Variants in VAC14 observed in about 807,000 individuals in gnomAD.
VAC14 encodes protein VAC14 homolog.
VAC14 carries 47 observed loss-of-function variants against 85.3 expected under a neutral mutation model. That is an observed-to-expected ratio of 0.55 (90% CI 0.44 to 0.70). The LOEUF (loss-of-function observed/expected upper bound fraction) is 0.70, where lower values mean the gene tolerates loss of function less well. Among genes scored for constraint, VAC14 ranks in the 30% least tolerant of loss-of-function variants. The pLI is 0.00. For missense variants in VAC14, 861 were observed against 1,004.3 expected (o/e 0.86, Z 1.93); for synonymous variants, 447 against 430.5 (o/e 1.04, Z -0.47).
chr16:70,697,060 C>A, intron 16 of VAC14, 79 bp downstream of exon 16: 1 of 1,232,588 alleles, frequency 8.1e-7, no homozygotes, highest in Non-Finnish European at 1.2e-6. Context: ...TTGGGCCCGC[C>A]TGTTGGGTGG....
At chr16:70,788,535 G>A (rs573606599) in intron 1 of VAC14, among the ~76,000 whole-genome samples, 11 of 152,284 alleles carry the variant, frequency 7.2e-5, no homozygotes, top group East Asian at 1.9e-4. Flanking sequence ...TCAAAACAGC[G>A]TACTAAGGCC....
chr16:70,712,198 T>TG (rs2054049537), intron 14 of VAC14, among the ~76,000 whole-genome samples: 1 of 152,094 alleles, frequency 6.6e-6, no homozygotes. Context: ...AAATCTTCCC[T>TG]GGATTAAACG....
chr16:70,734,746 A>T (rs1375614834), intron 13 of VAC14, among the ~76,000 whole-genome samples: 1 of 151,912 alleles, frequency 6.6e-6, no homozygotes, highest in Non-Finnish European at 1.5e-5. Flanking sequence ...ACCTGCCTAA[A>T]CCCTTCACAC....
At chr16:70,718,256 C>T (rs1412867701) in intron 14 of VAC14, among the ~76,000 whole-genome samples, 2 of 152,208 alleles carry the variant, frequency 1.3e-5, no homozygotes, top group Non-Finnish European at 2.9e-5. Flanking sequence ...TGATGATCCC[C>T]GTCTGCATTT....
chr16:70,748,871 A>G (rs1485647056), intron 12 of VAC14, among the ~76,000 whole-genome samples: 1 of 152,234 alleles, frequency 6.6e-6, no homozygotes, highest in Non-Finnish European at 1.5e-5. Flanking sequence ...GCTTGAGCAG[A>G]GGCTGTAGTG....
At position 70,783,434 on chromosome 16, in the gene VAC14, A is replaced by C; in HGVS notation, c.704+11T>G. 6.2e-7 allele frequency: 1 copy of C among 1,613,012 alleles called. No homozygotes were observed. Among genetic ancestry groups the C allele is most frequent in the East Asian group, 2.2e-5 (1 of 44,848 alleles). ...AGGAGGCAGCAGCTTCCTGCCCCTT[A>C]CTCCACTCACATTTTGCGAATCTCT... On this transcript the variant is annotated intron_variant, in intron 6 of 18. Transcript: ENST00000261776.
intron 10 of VAC14, among the ~76,000 whole-genome samples, chr16:70,768,161 C>T (rs1422009919): frequency 1.3e-5 from 2 of 152,224 alleles, no homozygotes; most frequent in African/African-American, 4.8e-5. Flanking sequence ...GCTGGGACTA[C>T]AGGCGTGAGC....
chr16:70,739,910 A>AC (rs1483487394), intron 13 of VAC14, among the ~76,000 whole-genome samples: 1 of 152,234 alleles, frequency 6.6e-6, no homozygotes, highest in African/African-American at 2.4e-5. Flanking sequence ...GCCAGGGATA[A>AC]AAACACCTTG....
Position 70,775,302 on chromosome 16 carries a change from T to C in VAC14, c.1097-3130A>G, listed in dbSNP as rs574864169. 1.2e-4 allele frequency among the ~76,000 whole-genome samples: 18 copies of C among 152,322 alleles called. No individual in the cohort carries two copies. The East Asian group carries it at 2.9e-3, about 24-fold the overall frequency. On this transcript the variant is annotated intron_variant, in intron 9 of 18. Coordinates refer to ENST00000261776, the MANE Select transcript of VAC14 (RefSeq NM_018052.5). ...ACCTCTTTCTCTCCTTAATCTTCAA[T>C]CTTACTTTTCTCTACCTGCCCATCA...
intron 12 of VAC14, among the ~76,000 whole-genome samples, chr16:70,758,549 T>G (rs1210447683): frequency 6.6e-6 from 1 of 152,096 alleles, no homozygotes; most frequent in Non-Finnish European, 1.5e-5. Context: ...CTACCTGAGG[T>G]CCCACCATCG....
At chr16:70,775,726 C>A (rs1446281289) in intron 9 of VAC14, among the ~76,000 whole-genome samples, 2 of 152,226 alleles carry the variant, frequency 1.3e-5, no homozygotes, top group Non-Finnish European at 2.9e-5. Flanking sequence ...GAACAGCAGC[C>A]AGGACTCCAT....
Position 70,744,535 on chromosome 16 carries a change from G to A in VAC14, c.1416C>T (p.Ser472=). 1 of 1,610,848 alleles carries A rather than the reference G, an allele frequency of 6.2e-7. No individual in the cohort carries two copies. The highest frequency in any genetic ancestry group is 8.5e-7 in the Non-Finnish European group (1 of 1,178,842). The stretch of plus-strand genomic sequence containing the variant: ...CTGGGTCATCCGTCTGGCCTGCGGG[G>A]GAGGAAGCGATTTCTGCCAGCACCT... ...DLEVLAEIAS[S]PAGQTDDPGP... is the part of the protein sequence containing the mutation. Residue 472 remains serine, a synonymous_variant, in exon 13 of 19, where the codon TCC becomes TCT. Transcript: ENST00000261776.
intron 12 of VAC14, among the ~76,000 whole-genome samples, chr16:70,758,521 G>A (rs2032052600): frequency 6.6e-6 from 1 of 152,228 alleles, no homozygotes; most frequent in African/African-American, 2.4e-5. Context: ...GGAGGCAGCT[G>A]TGCCTAGGAG....
intron 18 of VAC14, chr16:70,692,198 G>A: frequency 1.6e-6 from 1 of 621,602 alleles, no homozygotes; most frequent in Non-Finnish European, 2.0e-6. Context: ...CCTCTGACCA[G>A]AGGCTGCCAA....
At position 70,780,741 on chromosome 16, in the gene VAC14, T is replaced by C. The variant is rs779111976; in HGVS notation, c.1096+49A>G. 12 of 1,526,642 alleles carry C rather than the reference T, an allele frequency of 7.9e-6. No homozygotes were observed. The South Asian group carries it at 1.3e-4, about 16-fold the overall frequency. 94.6% of individuals were successfully genotyped at this position (1,526,642 alleles called of 1,614,324 possible). On this transcript the variant is annotated intron_variant, in intron 9 of 18. Transcript: ENST00000261776. Reference sequence around the variant, plus strand: ...CAAGGCAACTCCTATGACATCTGGCTCCCTGGGCCCCCGACAGGAGGTGAG... The same window carrying C: ...CAAGGCAACTCCTATGACATCTGGCCCCCTGGGCCCCCGACAGGAGGTGAG...
intron 5 of VAC14, 74 bp downstream of exon 5, chr16:70,784,039 G>T: frequency 8.2e-7 from 1 of 1,226,736 alleles, no homozygotes. Context: ...TAGCCAAAGG[G>T]CCTGACAAGA....
intron 13 of VAC14, among the ~76,000 whole-genome samples, chr16:70,741,003 T>C (rs950135543): frequency 2.6e-5 from 4 of 152,256 alleles, no homozygotes; most frequent in African/African-American, 7.2e-5. Context: ...ATCCGCACCA[T>C]GTGGTTCCCT....
At chr16:70,723,587 T>C (rs1448825129) in intron 14 of VAC14, among the ~76,000 whole-genome samples, 1 of 152,238 alleles carries the variant, frequency 6.6e-6, no homozygotes, top group Non-Finnish European at 1.5e-5. Context: ...GAAGTCTAAA[T>C]AGTGAGATCC....
At chr16:70,759,446 G>A (rs1457003661) in intron 12 of VAC14, among the ~76,000 whole-genome samples, 3 of 152,124 alleles carry the variant, frequency 2.0e-5, no homozygotes, top group Non-Finnish European at 4.4e-5. Flanking sequence ...GGCCAACGTG[G>A]TGAAAGCCCG....
Sources: gnomAD v4.1 joint callset for allele counts (sites outside exome capture counted in the v4.1 genomes callset) on GRCh38, gnomAD v4.1.1 for gene constraint, MANE v1.5 for transcripts, NCBI Gene and HGNC (gene_info 2026-07-23, HGNC 2026-07-21) for gene names.